NETO1: variants seen among roughly 807,000 people sequenced by gnomAD.
NETO1 encodes neuropilin and tolloid-like protein 1.
Under a neutral mutation model 61.3 loss-of-function variants are expected in NETO1, and 26 were observed. The ratio of observed to expected loss-of-function variants is 0.42; its 90% CI spans 0.31 to 0.59. The LOEUF is 0.59. Among genes scored for constraint, NETO1 ranks in the 20% least tolerant of loss-of-function variants. The pLI, the probability that NETO1 is intolerant of heterozygous loss-of-function variation, is 0.12. For missense variants in NETO1, 531 were observed against 662.8 expected (o/e 0.80, Z 2.18); for synonymous variants, 225 against 225.8 (o/e 1.00, Z 0.03).
chr18:72,866,729 C>T, intron 1 of NETO1: 16 of 987,852 alleles, frequency 1.6e-5, no homozygotes, highest in Non-Finnish European at 1.8e-5. Flanking sequence ...CTCTACACTG[C>T]CCGCGTTACC....
intron 4 of NETO1, among the ~76,000 whole-genome samples, chr18:72,810,042 G>T (rs1268141306): frequency 1.3e-5 from 2 of 152,166 alleles, no homozygotes; most frequent in Non-Finnish European, 2.9e-5. Flanking sequence ...AAAACATTGT[G>T]TCTAATGTCA....
At chr18:72,791,356 G>A (rs2072110391) in intron 6 of NETO1, among the ~76,000 whole-genome samples, 3 of 152,166 alleles carry the variant, frequency 2.0e-5, no homozygotes, top group Admixed American at 6.5e-5. Flanking sequence ...AGTTTAACTT[G>A]TGCTTTGATA....
chr18:72,859,222 A>G lies in NETO1; in HGVS notation c.221-148T>C, dbSNP rs1599179626. The G allele has an allele frequency of 6.7e-6, 5 of 741,194 alleles. No individual in the cohort carries two copies. The East Asian group carries it at 1.5e-4, about 22-fold the overall frequency. The allele number at this position is 741,194 out of a possible 1,614,324, so 45.9% of individuals were successfully genotyped here. A position where few individuals can be genotyped will look rare whatever the true frequency, so the allele number is the denominator to read the frequency against. ...AAATATAAAGAAAGCATATGATACT[A>G]TTCTACGGGACACAATTTTCATAAA... is the stretch of plus-strand genomic sequence containing the variant. On this transcript the variant is annotated intron_variant, in intron 3 of 10. Transcript: ENST00000327305.
rs1364097650 is a variant in NETO1 at position 72,860,714 on chromosome 18, A to G, written c.221-1640T>C. Reference sequence around the variant, plus strand: ...ACCACAATAATGACAGATTTGAGGGAGTTTCAATGACGTGGTTTTTTTTTT... The same window carrying G: ...ACCACAATAATGACAGATTTGAGGGGGTTTCAATGACGTGGTTTTTTTTTT... On this transcript the variant is annotated intron_variant, in intron 3 of 10. Transcript: ENST00000327305. 4.7e-5 allele frequency among the ~76,000 whole-genome samples: 7 copies of G among 149,860 alleles called. No individual in the cohort carries two copies. In the Admixed American group the frequency reaches 4.8e-4, roughly 10 times the overall value.
At chr18:72,812,266 T>C (rs927998195) in intron 4 of NETO1, among the ~76,000 whole-genome samples, 2 of 152,240 alleles carry the variant, frequency 1.3e-5, no homozygotes, top group African/African-American at 4.8e-5. Context: ...GTCTGTCTGA[T>C]TGCACAATTG....
At chr18:72,854,772 ATT>A (rs1005442611) in intron 4 of NETO1, among the ~76,000 whole-genome samples, 1 of 152,056 alleles carries the variant, frequency 6.6e-6, no homozygotes, top group African/African-American at 2.4e-5. Flanking sequence ...AGTCTTTTCT[ATT>A]TTTTTGTTTT....
At chr18:72,790,188 T>C (rs2072066402) in intron 6 of NETO1, among the ~76,000 whole-genome samples, 1 of 152,160 alleles carries the variant, frequency 6.6e-6, no homozygotes, top group Admixed American at 6.5e-5. Flanking sequence ...ATTTTATACA[T>C]ATTTTGACTC....
At chr18:72,778,190 T>C (rs2071620672) in intron 7 of NETO1, among the ~76,000 whole-genome samples, 1 of 152,152 alleles carries the variant, frequency 6.6e-6, no homozygotes, top group South Asian at 2.1e-4. Context: ...GGAGCTGAGA[T>C]GAGAGGCAGG....
chr18:72,833,174 G>A (rs985756135), intron 4 of NETO1, among the ~76,000 whole-genome samples: 5 of 151,770 alleles, frequency 3.3e-5, no homozygotes, highest in Admixed American at 2.0e-4. Context: ...TGACGCATCT[G>A]TATATTGATA....
chr18:72,782,285 T>C (rs1259811321), intron 7 of NETO1, among the ~76,000 whole-genome samples: 1 of 152,320 alleles, frequency 6.6e-6, no homozygotes, highest in East Asian at 1.9e-4. Flanking sequence ...GCCTTTACTA[T>C]GGGAACAGTT....
rs139416509 is a variant in NETO1 at position 72,786,149 on chromosome 18, C to T, written c.640-2243G>A. ...GTTCAGCATTCATATTTATCATGCA[C>T]CTATATGACAGACATTTAAGCGTTA... On this transcript the variant is annotated intron_variant, in intron 6 of 10. Transcript: ENST00000327305. Among the ~76,000 whole-genome samples the T allele has an allele frequency of 3.1e-3, 472 of 152,170 alleles. 3 individuals carry two copies. The highest frequency in any genetic ancestry group is 5.8e-3 in the Non-Finnish European group (395 of 68,010).
chr18:72,858,386 A>T (rs1411284162), intron 4 of NETO1, among the ~76,000 whole-genome samples: 1 of 152,210 alleles, frequency 6.6e-6, no homozygotes, highest in East Asian at 1.9e-4. Flanking sequence ...CTAAAGTAGG[A>T]TCTATTTGAT....
At chr18:72,759,197 C>G (rs1429088562) in intron 7 of NETO1, among the ~76,000 whole-genome samples, 1 of 152,154 alleles carries the variant, frequency 6.6e-6, no homozygotes, top group Non-Finnish European at 1.5e-5. Flanking sequence ...ACCACTCCCT[C>G]CTTCTACCTG....
intron 7 of NETO1, among the ~76,000 whole-genome samples, chr18:72,778,185 T>G (rs2071620432): frequency 6.6e-6 from 1 of 152,178 alleles, no homozygotes; most frequent in South Asian, 2.1e-4. Flanking sequence ...CCTCTGGAGC[T>G]GAGATGAGAG....
intron 4 of NETO1, among the ~76,000 whole-genome samples, chr18:72,795,710 T>A (rs2072287877): frequency 6.6e-6 from 1 of 151,926 alleles, no homozygotes; most frequent in Admixed American, 6.6e-5. Flanking sequence ...TAAATCAAGA[T>A]AATTCACGTC....
Position 72,867,459 on chromosome 18 carries a change from C to T in NETO1, c.-168G>A. ...CGAGAGGAAGGGGGAGCTCCGAGCC[C>T]ACGCTGCAGCCAGATCCGGATGAGT... On this transcript the variant is annotated 5_prime_UTR_variant, in exon 1 of 11. The change creates a premature stop within an existing upstream ORF in the 5' untranslated region. Transcript: ENST00000327305. The T allele has an allele frequency of 2.3e-6, 1 of 429,818 alleles. No homozygotes were observed. Among genetic ancestry groups the T allele is most frequent in the East Asian group, 3.6e-5 (1 of 28,040 alleles). The allele number at this position is 429,818 out of a possible 1,614,324, so 26.6% of individuals were successfully genotyped here.
intron 7 of NETO1, among the ~76,000 whole-genome samples, chr18:72,774,354 T>C (rs762607634): frequency 3.9e-5 from 6 of 152,212 alleles, no homozygotes; most frequent in Non-Finnish European, 7.4e-5. Flanking sequence ...TCTCTGTTTA[T>C]TCATATTGGG....
chr18:72,771,914 ATGTC>A (rs2071363798), intron 7 of NETO1, among the ~76,000 whole-genome samples: 1 of 134,346 alleles, frequency 7.4e-6, no homozygotes, highest in Non-Finnish European at 1.7e-5. Flanking sequence ...ACAGTTCTGT[ATGTC>A]AGAAGTCCAG....
At chr18:72,865,010 G>C in intron 2 of NETO1, 65 bp from the exon 3 acceptor site, 1 of 1,525,378 alleles carries the variant, frequency 6.6e-7, no homozygotes, top group Non-Finnish European at 8.8e-7. Flanking sequence ...ACTAAAAATA[G>C]AGGACATTCT....
Sources: gnomAD v4.1 joint callset for allele counts (sites outside exome capture counted in the v4.1 genomes callset) on GRCh38, gnomAD v4.1.1 for gene constraint, MANE v1.5 for transcripts, NCBI Gene and HGNC (gene_info 2026-07-23, HGNC 2026-07-21) for gene names.